The following EYA4 variants were observed in gnomAD, a reference collection of about 807,000 sequenced individuals.
The protein encoded by EYA4 is protein phosphatase EYA4.
Under a neutral mutation model 87.9 loss-of-function variants are expected in EYA4, and 31 were observed. The observed-to-expected ratio is 0.35, with a 90% CI of 0.27 to 0.48. EYA4 has a LOEUF of 0.48. Ranked by LOEUF, EYA4 falls within the 20% of genes least tolerant of loss-of-function variation. EYA4 has a pLI of 0.99. For synonymous variants in EYA4, 263 were observed against 270.6 expected, an observed-to-expected ratio of 0.97 and a Z score of 0.28; for missense variants, 678 against 761.4, an observed-to-expected ratio of 0.89 and a Z score of 1.29.
rs35905853 is a variant in EYA4, at chr6:133,348,261, G to GTTTTTTTT, written c.34-34109_34-34102dup. On this transcript the variant is annotated intron_variant, in intron 2 of 19. Coordinates refer to ENST00000355286, the MANE Select transcript of EYA4 (RefSeq NM_004100.5). ...ATCTTCCTCCTCATCTCTTCAAGTA[G>GTTTTTTTT]TTTTTTTTTTTTTTTTTTTTTTTTT... Among the ~76,000 whole-genome samples, 2 of 68,782 alleles carry GTTTTTTTT rather than the reference G, an allele frequency of 2.9e-5. 1 individual carries two copies. Among genetic ancestry groups the GTTTTTTTT allele is most frequent in the African/African-American group, 1.3e-4 (2 of 15,480 alleles). The allele number at this position is 68,782 out of a possible 152,430, so 45.1% of individuals were successfully genotyped here.
chr6:133,310,841 G>A (rs965249776), intron 2 of EYA4, among the ~76,000 whole-genome samples: 3 of 152,094 alleles, frequency 2.0e-5, no homozygotes, highest in Non-Finnish European at 2.9e-5. Context: ...CATGCCTACC[G>A]TTAATTTCCT....
chr6:133,511,178 G>A (rs79733200), intron 14 of EYA4, among the ~76,000 whole-genome samples: 1,853 of 152,142 alleles, frequency 0.012, 33 homozygotes, highest in African/African-American at 0.042. Flanking sequence ...AACTGGAACC[G>A]GATTAAACAC....
At chr6:133,419,095 A>G (rs899278119) in intron 3 of EYA4, among the ~76,000 whole-genome samples, 2 of 152,190 alleles carry the variant, frequency 1.3e-5, no homozygotes, top group Non-Finnish European at 2.9e-5. Flanking sequence ...TTTTAAAATT[A>G]CTTAATTTCT....
chr6:133,319,532 A>G (rs894029694), intron 2 of EYA4, among the ~76,000 whole-genome samples: 1 of 148,320 alleles, frequency 6.7e-6, no homozygotes, highest in African/African-American at 2.5e-5. Flanking sequence ...TACCAGTCTT[A>G]ATGATTATTT....
intron 3 of EYA4, among the ~76,000 whole-genome samples, chr6:133,437,529 T>A (rs1480814716): frequency 6.6e-6 from 1 of 152,150 alleles, no homozygotes; most frequent in African/African-American, 2.4e-5. Flanking sequence ...AAGGTGATAA[T>A]ATATATATGA....
At chr6:133,509,697 T>C (rs553334847) in intron 14 of EYA4, among the ~76,000 whole-genome samples, 78 of 152,348 alleles carry the variant, frequency 5.1e-4, no homozygotes, top group African/African-American at 1.8e-3. Flanking sequence ...AAGACTGCTG[T>C]GAATTATAAC....
Position 133,501,431 on chromosome 6 carries a change from A to G in EYA4, c.1192-4675A>G, listed in dbSNP as rs372773914. Among the ~76,000 whole-genome samples the G allele has an allele frequency of 6.6e-5, 10 of 152,214 alleles. No homozygotes were observed. The East Asian group carries it at 1.9e-3, about 29-fold the overall frequency. ...GTCACTCAATAAATATATGATGAAT[A>G]AATGAATGTTCCTGAAACCATTTTC... On this transcript the variant is annotated intron_variant, in intron 13 of 19. Transcript: ENST00000355286.
chr6:133,402,390 G>A (rs1052901092), intron 3 of EYA4, among the ~76,000 whole-genome samples: 36 of 152,044 alleles, frequency 2.4e-4, no homozygotes, highest in Admixed American at 1.6e-3. Flanking sequence ...GTTGCTCTTC[G>A]TTATTTATTC....
intron 2 of EYA4, among the ~76,000 whole-genome samples, chr6:133,280,925 T>C (rs576674327): frequency 1.3e-5 from 2 of 152,294 alleles, no homozygotes; most frequent in South Asian, 4.1e-4. Context: ...CCTATCTCTA[T>C]GGATTTGCCT....
At chr6:133,492,649 A>G (rs961214509) in intron 13 of EYA4, among the ~76,000 whole-genome samples, 1 of 152,248 alleles carries the variant, frequency 6.6e-6, no homozygotes, top group African/African-American at 2.4e-5. Flanking sequence ...CCAATTTGGA[A>G]AGGAAGAAGT....
rs983103088 is a variant in EYA4, at chr6:133,531,046, C to G, written c.*2241C>G. The G allele has an allele frequency of 3.4e-5, 47 of 1,389,970 alleles. No individual in the cohort carries two copies. In the African/African-American group the frequency reaches 6.5e-4, roughly 19 times the overall value. 86.1% of individuals were successfully genotyped at this position (1,389,970 alleles called of 1,614,324 possible). On this transcript the variant is annotated 3_prime_UTR_variant, in exon 20 of 20. Transcript: ENST00000355286. The stretch of plus-strand genomic sequence containing the variant: ...TGTTGATAGAATTGTGGCATTACAT[C>G]TAAATTTGTAAGTCTTTTCATATCA...
At chr6:133,377,696 A>G (rs1390898298) in intron 2 of EYA4, among the ~76,000 whole-genome samples, 1 of 150,934 alleles carries the variant, frequency 6.6e-6, no homozygotes, top group Non-Finnish European at 1.5e-5. Context: ...AGTGCTTGGT[A>G]AAAACTGGTT....
At chr6:133,317,420 A>G (rs1487562581) in intron 2 of EYA4, among the ~76,000 whole-genome samples, 3 of 152,216 alleles carry the variant, frequency 2.0e-5, no homozygotes, top group Non-Finnish European at 1.5e-5. Flanking sequence ...CTGGGTAAGC[A>G]CTGGAACCAA....
At chr6:133,385,832 G>A (rs1027781067) in intron 3 of EYA4, among the ~76,000 whole-genome samples, 23 of 152,296 alleles carry the variant, frequency 1.5e-4, no homozygotes, top group African/African-American at 5.5e-4. Context: ...GGCTGCAGAT[G>A]TAATGGTATA....
At chr6:133,372,270 G>A (rs1044210280) in intron 2 of EYA4, among the ~76,000 whole-genome samples, 1 of 151,908 alleles carries the variant, frequency 6.6e-6, no homozygotes, top group Non-Finnish European at 1.5e-5. Flanking sequence ...TAGTTTACAG[G>A]TAATTTAAAT....
chr6:133,307,802 G>A (rs1431047045), intron 2 of EYA4, among the ~76,000 whole-genome samples: 1 of 152,098 alleles, frequency 6.6e-6, no homozygotes, highest in Non-Finnish European at 1.5e-5. Context: ...GATTTGAAAG[G>A]CTGTAGAACC....
At chr6:133,522,331 C>T (rs1426309855) in intron 17 of EYA4, among the ~76,000 whole-genome samples, 1 of 151,248 alleles carries the variant, frequency 6.6e-6, no homozygotes, top group African/African-American at 2.4e-5. Context: ...AACTACTCTA[C>T]CGTGTAGAGT....
At chr6:133,460,180 A>G (rs887626759) in intron 6 of EYA4, among the ~76,000 whole-genome samples, 3 of 152,176 alleles carry the variant, frequency 2.0e-5, no homozygotes, top group African/African-American at 7.2e-5. Context: ...AGACTAAACT[A>G]ATTCCAGCAC....
intron 17 of EYA4, among the ~76,000 whole-genome samples, chr6:133,520,216 G>T (rs371262583): frequency 6.6e-6 from 1 of 151,432 alleles, no homozygotes; most frequent in African/African-American, 2.4e-5. Context: ...CAGACGACAT[G>T]ATTGTATATC....
Sources: allele counts gnomAD v4.1 joint callset (sites outside exome capture counted in the v4.1 genomes callset), GRCh38; gene constraint gnomAD v4.1.1; transcripts MANE v1.5; gene names NCBI Gene and HGNC (gene_info 2026-07-23, HGNC 2026-07-21).